The following RORC variants were observed in gnomAD, a reference collection of about 807,000 sequenced individuals.
RORC encodes the protein nuclear receptor ROR-gamma.
A neutral mutation model predicts 64.5 loss-of-function variants in RORC; 13 were observed. The observed-to-expected ratio is 0.20, with a 90% CI of 0.13 to 0.32. The LOEUF is 0.32. RORC is among the 10% of genes least tolerant of loss of function. The pLI, the probability that RORC is intolerant of heterozygous loss-of-function variation, is 1.00. For synonymous variants in RORC, 277 were observed against 259.3 expected (o/e 1.07, Z -0.65); for missense variants, 468 against 669.5 (o/e 0.70, Z 3.32).
chr1:151,829,498 G>GA, intron 1 of RORC, 40 bp from the exon 2 acceptor site: 1 of 1,482,298 alleles, frequency 6.7e-7, no homozygotes, highest in Non-Finnish European at 8.9e-7. Flanking sequence ...AAAGGTTGAA[G>GA]ATCATGAGGG....
chr1:151,831,011 C>G (rs1217170974), intron 1 of RORC: 1 of 1,289,360 alleles, frequency 7.8e-7, no homozygotes, highest in Admixed American at 2.3e-5. Context: ...ATGCTCACAG[C>G]TGACCAAGCC....
intron 1 of RORC, among the ~76,000 whole-genome samples, chr1:151,831,477 C>T (rs1652417424): frequency 6.6e-6 from 1 of 152,148 alleles, no homozygotes; most frequent in Admixed American, 6.5e-5. Flanking sequence ...CAACCTGTTT[C>T]TTCCTTCTCC....
rs144395698 is a variant in RORC at position 151,829,977 on chromosome 1, T to A, written c.41-519A>T. ...AAGGCAGGGACTGTGTTGGTCTTAT[T>A]TACTTTGTAATTTCATTGGAGGTGC... On this transcript the variant is annotated intron_variant, in intron 1 of 10. Transcript: ENST00000318247. Among the ~76,000 whole-genome samples the A allele has an allele frequency of 2.7e-3, 419 of 152,372 alleles. 1 individual carries two copies. The highest frequency in any genetic ancestry group is 3.4e-3 in the Middle Eastern group (1 of 294).
In RORC at chr1:151,813,282, A is replaced by T. The variant is rs756499857; in HGVS notation, c.1131T>A (p.Phe377Leu). Residue 377 changes from phenylalanine (F) to leucine (L), a missense_variant, in exon 8 of 11, where the codon TTT (phenylalanine) becomes TTA (leucine). Around this residue, in one of 5 missense-constraint regions of RORC, gnomAD observed 100 missense variants for 190.8 expected, o/e 0.52. Transcript: ENST00000318247. ...RAYNADNRTV[F>L]FEGKYGGMEL... Reference sequence around the variant, plus strand: ...CCATGCCACCGTATTTGCCTTCAAAAAAGACCGTGCGGTTGTCAGCATTGT... The same window carrying T: ...CCATGCCACCGTATTTGCCTTCAAATAAGACCGTGCGGTTGTCAGCATTGT... 6.2e-7 allele frequency: 1 copy of T among 1,614,154 alleles called. No individual in the cohort carries two copies. The highest frequency in any genetic ancestry group is 1.7e-5 in the Admixed American group (1 of 60,024).
intron 7 of RORC, 48 bp downstream of exon 7, chr1:151,813,440 T>G (rs796723300): frequency 6.2e-7 from 1 of 1,612,420 alleles, no homozygotes; most frequent in Non-Finnish European, 8.5e-7. Flanking sequence ...CTCCCTCCAC[T>G]TGGCTCTGTC....
intron 2 of RORC, chr1:151,826,000 TG>T: frequency 1.2e-6 from 2 of 1,607,272 alleles, no homozygotes; most frequent in Non-Finnish European, 8.5e-7. Flanking sequence ...GGTCCAGGAG[TG>T]GGGTGCAGCT....
intron 4 of RORC, among the ~76,000 whole-genome samples, chr1:151,815,836 C>T (rs997625899): frequency 2.0e-5 from 3 of 152,120 alleles, no homozygotes; most frequent in African/African-American, 7.2e-5. Context: ...CACAGGTCTC[C>T]CTGTGGTCAG....
Position 151,815,103 on chromosome 1 carries a change from C to A in RORC, c.621G>T (p.Glu207Asp). 2 of 1,614,236 alleles carry A rather than the reference C, an allele frequency of 1.2e-6. No homozygotes were observed. Among genetic ancestry groups the A allele is most frequent in the Non-Finnish European group, 1.7e-6 (2 of 1,180,036 alleles). The change falls in exon 5 of 11, where the codon GAG (glutamate) becomes GAT (aspartate). Residue 207 changes from glutamate to aspartate, a missense_variant. Transcript: ENST00000318247. Reference protein sequence around the residue: ...GASCHLEYSPERGKAEGRESF... With the variant: ...GASCHLEYSPDRGKAEGRESF... ...TCTCTCTGCCCTCAGCCTTGCCCCG[C>A]TCAGGGCTGTATTCAAGGTGGCATG...
intron 9 of RORC, chr1:151,812,036 C>T (rs181105611): frequency 6.6e-6 from 1 of 152,358 alleles, no homozygotes; most frequent in Non-Finnish European, 1.5e-5. Flanking sequence ...ATTTAGTATT[C>T]ATCTGGCTCA....
chr1:151,831,288 G>T (rs12126984), intron 1 of RORC, among the ~76,000 whole-genome samples: 1 of 152,008 alleles, frequency 6.6e-6, no homozygotes, highest in African/African-American at 2.4e-5. Flanking sequence ...ATGAACAGAA[G>T]GTGGAGCAGC....
intron 4 of RORC, among the ~76,000 whole-genome samples, chr1:151,816,338 A>C (rs1346993121): frequency 6.6e-6 from 1 of 152,244 alleles, no homozygotes; most frequent in Non-Finnish European, 1.5e-5. Context: ...GTAGCAGGGG[A>C]AGGTGCCAGA....
At chr1:151,831,227 C>G (rs926554930) in intron 1 of RORC, 5 of 757,616 alleles carry the variant, frequency 6.6e-6, no homozygotes, top group Non-Finnish European at 9.3e-6. Context: ...TTCCCCCTGC[C>G]ACACTCCCCA....
At chr1:151,809,518 G>A (rs932957816) in intron 10 of RORC, among the ~76,000 whole-genome samples, 2 of 151,978 alleles carry the variant, frequency 1.3e-5, no homozygotes, top group Non-Finnish European at 2.9e-5. Context: ...GGTTGCTACA[G>A]GGCAGATGAG....
intron 2 of RORC, among the ~76,000 whole-genome samples, chr1:151,823,836 C>T (rs925939360): frequency 3.3e-5 from 5 of 152,114 alleles, no homozygotes; most frequent in African/African-American, 7.2e-5. Flanking sequence ...GTAGGGACAG[C>T]GGCTCACTTT....
chr1:151,831,767 G>A lies in RORC; in HGVS notation c.-3C>T, dbSNP rs1652427927. ...TGTCTCTGTGGGGCCCTGTCCATGG[G>A]GCAGCTCCCTTGGTGCCGTCCTGGC... On this transcript the variant is annotated 5_prime_UTR_variant, in exon 1 of 11. Coordinates refer to ENST00000318247, the MANE Select transcript of RORC (RefSeq NM_005060.4). The A allele has an allele frequency of 6.8e-6, 11 of 1,608,886 alleles. No individual in the cohort carries two copies. The highest frequency in any genetic ancestry group is 1.3e-5 in the African/African-American group (1 of 75,038).
chr1:151,810,644 G>A lies in RORC; in HGVS notation c.1395+681C>T, dbSNP rs530771354. ...CCTCCCGGTTTCAAGCGATTATCCT[G>A]CCTCAGCCTCCCAAGTAGCTGGGTC... On this transcript the variant is annotated intron_variant, in intron 10 of 10. Coordinates refer to ENST00000318247, the MANE Select transcript of RORC (RefSeq NM_005060.4). Among the ~76,000 whole-genome samples, 3 of 151,372 alleles carry A rather than the reference G, an allele frequency of 2.0e-5. No homozygotes were observed. The East Asian group carries it at 5.8e-4, about 30-fold the overall frequency.
intron 2 of RORC, among the ~76,000 whole-genome samples, chr1:151,821,472 G>A (rs1651991859): frequency 6.6e-6 from 1 of 152,166 alleles, no homozygotes; most frequent in African/African-American, 2.4e-5. Flanking sequence ...ATAGACATAA[G>A]CATTGGCTGA....
chr1:151,830,659 C>CACACACACACATACAT lies in RORC; in HGVS notation c.40+1065_40+1066insATGTATGTGTGTGTGT, dbSNP rs59443678. 7.2e-6 allele frequency among the ~76,000 whole-genome samples: 1 copy of CACACACACACATACAT among 139,054 alleles called. No individual in the cohort carries two copies. Among genetic ancestry groups the CACACACACACATACAT allele is most frequent in the Non-Finnish European group, 1.6e-5 (1 of 64,284 alleles). The allele number at this position is 139,054 out of a possible 152,430, so 91.2% of individuals were successfully genotyped here. On this transcript the variant is annotated intron_variant, in intron 1 of 10. Transcript: ENST00000318247. This position sits in a 1 kb window ranked among gnomAD's most constrained non-coding sequence, Gnocchi z 4.0. Reference sequence around the variant, plus strand: ...ACACACACACACACACACACACACACACAGTGCCCTTCTGCCCGGGAGATG... The same window carrying CACACACACACATACAT: ...ACACACACACACACACACACACACACACACACACACATACATACAGTGCCCTTCTGCCCGGGAGATG...
At chr1:151,829,406 C>T (rs772027921) in intron 2 of RORC, 23 bp downstream of exon 2, 1 of 1,537,816 alleles carries the variant, frequency 6.5e-7, no homozygotes, top group South Asian at 1.3e-5. Flanking sequence ...CAGCCATTTT[C>T]TTGCCCCGGA....
Sources: allele counts gnomAD v4.1 joint callset (sites outside exome capture counted in the v4.1 genomes callset), GRCh38; gene constraint gnomAD v4.1.1; regional missense constraint gnomAD v4.1.1; non-coding constraint Gnocchi (gnomAD v3.1); transcripts MANE v1.5; gene names NCBI Gene and HGNC (gene_info 2026-07-23, HGNC 2026-07-21).